Variants in PHKA2 observed in about 807,000 individuals in gnomAD.
The protein encoded by PHKA2 is phosphorylase b kinase regulatory subunit alpha, liver isoform.
Under a neutral mutation model 102.0 loss-of-function variants are expected in PHKA2, and 31 were observed. The observed-to-expected ratio is 0.30, with a 90% confidence interval of 0.23 to 0.41. PHKA2 has a LOEUF of 0.41. Among genes scored for constraint, PHKA2 ranks in the 10% least tolerant of loss-of-function variants. The pLI is 1.00. For missense variants in PHKA2, 858 were observed against 1,023.1 expected (o/e 0.84, Z 2.20); for synonymous variants, 455 against 416.2 (o/e 1.09, Z -1.13).
intron 3 of PHKA2, 79 bp from the exon 4 acceptor site, chrX:18,951,351 T>C: frequency 1.0e-6 from 1 of 1,004,724 alleles, no homozygotes; most frequent in East Asian, 3.1e-5. Flanking sequence ...GCCAGCCACC[T>C]GGATCTAGAG....
chrX:18,964,378 A>G (rs1357220943), intron 1 of PHKA2, among the ~76,000 whole-genome samples: 1 of 111,536 alleles, frequency 9.0e-6, no homozygotes, highest in Non-Finnish European at 1.9e-5. Flanking sequence ...GACGAACCCT[A>G]CCCTTGGTCT....
At chrX:18,932,712 T>C (rs949648255) in intron 11 of PHKA2, among the ~76,000 whole-genome samples, 3 of 111,187 alleles carry the variant, frequency 2.7e-5, no homozygotes, top group African/African-American at 9.8e-5. Context: ...GAATTAGAGA[T>C]AACGTTTTCT....
At chrX:18,933,397 C>T (rs900448088) in intron 11 of PHKA2, among the ~76,000 whole-genome samples, 23 of 113,108 alleles carry the variant, frequency 2.0e-4, no homozygotes, top group African/African-American at 7.0e-4. Flanking sequence ...ACAGAGCTGG[C>T]GCTGTAGCCA....
intron 13 of PHKA2, among the ~76,000 whole-genome samples, chrX:18,927,575 C>A (rs1287582545): frequency 8.9e-6 from 1 of 112,069 alleles, no homozygotes; most frequent in Non-Finnish European, 1.9e-5. Flanking sequence ...CATATACATG[C>A]AGTTGAGAGT....
Position 18,938,489 on chromosome X carries a change from G to A in PHKA2, c.1041+138C>T, listed in dbSNP as rs911152548. ...AATAGGTGTTGCTTTAATTCACTCAGTTTTGGGAAAGTTTGCTAAGTGGGA... is the reference window on the plus strand; with the variant it reads ...AATAGGTGTTGCTTTAATTCACTCAATTTTGGGAAAGTTTGCTAAGTGGGA... On this transcript the variant is annotated intron_variant, in intron 10 of 32. Transcript: ENST00000379942. The A allele has an allele frequency of 2.8e-5, 17 of 612,322 alleles. No homozygotes were observed. The South Asian group carries it at 4.3e-4, about 16-fold the overall frequency. The allele number at this position is 612,322 out of a possible 1,213,427, so 50.5% of individuals were successfully genotyped here. A position where few individuals can be genotyped will look rare whatever the true frequency, so the allele number is the denominator to read the frequency against.
chrX:18,902,998 C>G (rs956271596), intron 26 of PHKA2: 2 of 112,246 alleles, frequency 1.8e-5, no homozygotes, highest in African/African-American at 6.5e-5. Flanking sequence ...GACCACTGAA[C>G]TACAGAAGCT....
chrX:18,981,463 C>T (rs997751786), intron 1 of PHKA2, among the ~76,000 whole-genome samples: 5 of 111,483 alleles, frequency 4.5e-5, no homozygotes, highest in Non-Finnish European at 9.4e-5. Flanking sequence ...GAAGACAATT[C>T]TTTTGCTTCT....
At chrX:18,927,151 C>T (rs2147920401) in intron 13 of PHKA2, among the ~76,000 whole-genome samples, 1 of 111,597 alleles carries the variant, frequency 9.0e-6, no homozygotes, top group South Asian at 3.8e-4. Context: ...ATTCAGAACC[C>T]CCGCACAGGG....
rs1002713758 is a variant in PHKA2 at position 18,910,045 on chromosome X, C to G, written c.2226+827G>C. On this transcript the variant is annotated intron_variant, in intron 20 of 32. Coordinates refer to ENST00000379942, the MANE Select transcript of PHKA2 (RefSeq NM_000292.3). ...TGTGGGGTAGAATCAGGGAAGAGTC[C>G]TGGATAAAATAACAAATTGTGGGAA... is the stretch of plus-strand genomic sequence containing the variant. 4.4e-5 allele frequency among the ~76,000 whole-genome samples: 5 copies of G among 112,501 alleles called. No individual in the cohort carries two copies. The Admixed American group carries it at 4.7e-4, about 11-fold the overall frequency.
In PHKA2 at chrX:18,893,563, C is replaced by T; in HGVS notation, c.3630G>A (p.Gly1210=). Reference sequence around the variant, plus strand: ...CTGCTCTTGTTAGGTAGGTCATCGTCCCATAAGCCCCACTCGGAGCGCTGT... The same window carrying T: ...CTGCTCTTGTTAGGTAGGTCATCGTTCCATAAGCCCCACTCGGAGCGCTGT... The part of the protein sequence containing the change: ...FYDSAPSGAY[G]TMTYLTRAVA... Residue 1210 remains glycine (G), a synonymous_variant, in exon 33 of 33, where the codon GGG becomes GGA. Coordinates refer to ENST00000379942, the MANE Select transcript of PHKA2 (RefSeq NM_000292.3). 2 of 1,210,953 alleles carry T rather than the reference C, an allele frequency of 1.7e-6. No homozygotes were observed. The highest frequency in any genetic ancestry group is 1.7e-5 in the African/African-American group (1 of 57,869).
intron 17 of PHKA2, among the ~76,000 whole-genome samples, chrX:18,921,117 G>T (rs1450818270): frequency 1.8e-5 from 2 of 111,182 alleles, no homozygotes; most frequent in Non-Finnish European, 3.8e-5. Flanking sequence ...TATGTAGGGT[G>T]AGTTCAGCTT....
chrX:18,937,808 T>TGC (rs1385736410), intron 10 of PHKA2, among the ~76,000 whole-genome samples: 7 of 112,058 alleles, frequency 6.2e-5, no homozygotes, highest in African/African-American at 2.3e-4. Context: ...TAACCTAATT[T>TGC]GCCTTTTAAT....
At chrX:18,918,190 G>A in intron 19 of PHKA2, among the ~76,000 whole-genome samples, 1 of 111,816 alleles carries the variant, frequency 8.9e-6, no homozygotes, top group Non-Finnish European at 1.9e-5. Flanking sequence ...CGAGGCCACT[G>A]GAAGATGTAG....
chrX:18,968,115 G>A (rs919708437), intron 1 of PHKA2, among the ~76,000 whole-genome samples: 103 of 111,505 alleles, frequency 9.2e-4, no homozygotes, highest in African/African-American at 3.1e-3. Context: ...TTTTCAGGCC[G>A]GGTGCAGTGG....
At chrX:18,980,487 A>G (rs1292077085) in intron 1 of PHKA2, among the ~76,000 whole-genome samples, 1 of 112,847 alleles carries the variant, frequency 8.9e-6, no homozygotes. Flanking sequence ...TCTTTACTCC[A>G]CTGAGATGTT....
In PHKA2 at chrX:18,906,970, C is replaced by T. The variant is rs747679945; in HGVS notation, c.2597+48G>A. 24 of 1,078,616 alleles carry T rather than the reference C, an allele frequency of 2.2e-5. 1 individual carries two copies. The South Asian group carries it at 4.2e-4, about 19-fold the overall frequency. 88.9% of individuals were successfully genotyped at this position (1,078,616 alleles called of 1,213,427 possible). A position where few individuals can be genotyped will look rare whatever the true frequency, so the allele number is the denominator to read the frequency against. On this transcript the variant is annotated intron_variant, in intron 23 of 32. Transcript: ENST00000379942. ...TCCGAACACTGGGAAGCGCTGTTTT[C>T]CCCATGGCTCCCCCGCAAACCTGAG... is the stretch of plus-strand genomic sequence containing the variant.
chrX:18,978,003 A>G (rs1190979066), intron 1 of PHKA2, among the ~76,000 whole-genome samples: 3 of 111,753 alleles, frequency 2.7e-5, no homozygotes, highest in Non-Finnish European at 5.6e-5. Flanking sequence ...TCTACTAAAA[A>G]TACAAAAATT....
intron 6 of PHKA2, among the ~76,000 whole-genome samples, chrX:18,944,169 A>G (rs2048539879): frequency 9.0e-6 from 1 of 111,073 alleles, no homozygotes; most frequent in Non-Finnish European, 1.9e-5. Context: ...CTCATTATGG[A>G]AACAAGAAAG....
intron 26 of PHKA2, chrX:18,902,769 A>G (rs1314648564): frequency 9.4e-6 from 1 of 106,755 alleles, no homozygotes. Flanking sequence ...CTCAAAAAAT[A>G]CACAAACAAA....
Sources: gnomAD v4.1 joint callset for allele counts (sites outside exome capture counted in the v4.1 genomes callset) on GRCh38, gnomAD v4.1.1 for gene constraint, MANE v1.5 for transcripts, NCBI Gene and HGNC (gene_info 2026-07-23, HGNC 2026-07-21) for gene names.